Variants in SACS observed in about 807,000 individuals in gnomAD.
The protein encoded by SACS is sacsin molecular chaperone.
A neutral mutation model predicts 348.0 loss-of-function variants in SACS; 197 were observed. The ratio of observed to expected loss-of-function variants is 0.57; its 90% CI spans 0.50 to 0.64. The LOEUF (loss-of-function observed/expected upper bound fraction) is 0.64, where lower values mean the gene tolerates loss of function less well. SACS is among the 30% of genes least tolerant of loss of function. The pLI is 0.00. For synonymous variants in SACS, 1,985 were observed against 1,910.6 expected, an observed-to-expected ratio of 1.04 and a Z score of -1.02; for missense variants, 4,999 against 5,360.8, an observed-to-expected ratio of 0.93 and a Z score of 2.11.
chr13:23,373,177 G>A (rs559982231), intron 3 of SACS, among the ~76,000 whole-genome samples: 3 of 152,276 alleles, frequency 2.0e-5, no homozygotes, highest in East Asian at 3.9e-4. Context: ...ATAGACCCAG[G>A]AGAGGAAGGT....
At chr13:23,371,992 A>C (rs1871416322) in intron 3 of SACS, among the ~76,000 whole-genome samples, 1 of 152,198 alleles carries the variant, frequency 6.6e-6, no homozygotes, top group South Asian at 2.1e-4. Flanking sequence ...ATCTGTCTCT[A>C]TTTGAAAAAA....
chr13:23,342,327 T>C (rs1005614036), intron 9 of SACS, among the ~76,000 whole-genome samples: 2 of 152,284 alleles, frequency 1.3e-5, no homozygotes, highest in East Asian at 1.9e-4. Context: ...TGGAAAACAA[T>C]GTTTAGCGCT....
chr13:23,425,956 T>C (rs1874155079), intron 1 of SACS, among the ~76,000 whole-genome samples: 1 of 152,128 alleles, frequency 6.6e-6, no homozygotes. Flanking sequence ...AGGGGCATGG[T>C]ATTTTAGATT....
chr13:23,363,147 G>T (rs539091099), intron 6 of SACS, among the ~76,000 whole-genome samples: 4 of 152,036 alleles, frequency 2.6e-5, no homozygotes, highest in African/African-American at 7.2e-5. Context: ...GACCTCAGGT[G>T]ATCTGTCCAC....
At chr13:23,364,605 A>G (rs1870950567) in intron 6 of SACS, among the ~76,000 whole-genome samples, 1 of 152,206 alleles carries the variant, frequency 6.6e-6, no homozygotes, top group Non-Finnish European at 1.5e-5. Flanking sequence ...ATTTATGAAC[A>G]TTCTTTTTGA....
At chr13:23,428,895 T>C (rs1373734105) in intron 1 of SACS, 1 of 152,174 alleles carries the variant, frequency 6.6e-6, no homozygotes, top group Non-Finnish European at 1.5e-5. Context: ...TTACAGATAA[T>C]AAAACTACAC....
rs142697365 is a variant in SACS at position 23,336,262 on chromosome 13, T to G, written c.7614A>C (p.Ala2538=). Residue 2538 remains alanine (A), a synonymous_variant, in exon 10 of 10, where the codon GCA becomes GCC. Transcript: ENST00000382292. The part of the protein sequence containing the change: ...LTSRIKSILN[A]YPSEKEMLKE... ...TCAACATTTCCTTTTCAGAAGGATA[T>G]GCATTAAGGATGCTCTTAATTCTGC... is the stretch of plus-strand genomic sequence containing the variant. The G allele has an allele frequency of 9.4e-5, 151 of 1,613,972 alleles. No individual in the cohort carries two copies. The highest frequency in any genetic ancestry group is 1.2e-4 in the Non-Finnish European group (147 of 1,179,954).
chr13:23,340,853 T>C lies in SACS; in HGVS notation c.3023A>G (p.Glu1008Gly). ...GACCCATAACATAAGCTGTGTTACC[T>C]CTTCATGTGAATAAAATGCATTTTC... Reference protein sequence around the residue: ...DIENAFYSHEEVTQLMLWVLE... With the variant: ...DIENAFYSHEGVTQLMLWVLE... Residue 1008 changes from glutamate (E) to glycine (G), a missense_variant, in exon 10 of 10, where the codon GAG (glutamate) becomes GGG (glycine). By Grantham distance (98) the Glu-to-Gly change is moderately conservative (BLOSUM62 -2). This residue lies in a region of SACS where 3,156 missense variants were observed against 3,380.1 expected (regional missense o/e 0.93). Transcript: ENST00000382292. 6.2e-7 allele frequency: 1 copy of C among 1,607,534 alleles called. No individual in the cohort carries two copies. The highest frequency in any genetic ancestry group is 8.5e-7 in the Non-Finnish European group (1 of 1,175,416).
chr13:23,383,973 G>A (rs558364835), intron 2 of SACS, among the ~76,000 whole-genome samples: 2 of 152,302 alleles, frequency 1.3e-5, no homozygotes, highest in Admixed American at 1.3e-4. Context: ...AAGGGTCATC[G>A]CAAGGTCTTT....
At chr13:23,415,396 C>T (rs759722003) in intron 1 of SACS, among the ~76,000 whole-genome samples, 4 of 152,166 alleles carry the variant, frequency 2.6e-5, no homozygotes, top group Non-Finnish European at 5.9e-5. Flanking sequence ...GAATTCCAAA[C>T]ACTATTGTTC....
chr13:23,375,779 G>T (rs1221051770), intron 2 of SACS, among the ~76,000 whole-genome samples: 1 of 152,058 alleles, frequency 6.6e-6, no homozygotes, highest in African/African-American at 2.4e-5. Flanking sequence ...CGCCTGCCAG[G>T]CCCCGCCCCG....
chr13:23,363,952 A>T (rs954414241), intron 6 of SACS, among the ~76,000 whole-genome samples: 1 of 152,170 alleles, frequency 6.6e-6, no homozygotes, highest in Non-Finnish European at 1.5e-5. Flanking sequence ...CTTAGAGACA[A>T]GATACCTTGC....
At chr13:23,351,367 A>G (rs563678353) in intron 9 of SACS, among the ~76,000 whole-genome samples, 2 of 152,304 alleles carry the variant, frequency 1.3e-5, no homozygotes, top group Admixed American at 1.3e-4. Flanking sequence ...TGTAACTCCC[A>G]TAATTCCCAT....
chr13:23,336,664 C>G lies in SACS; in HGVS notation c.7212G>C (p.Leu2404Phe). 1 of 1,613,690 alleles carries G rather than the reference C, an allele frequency of 6.2e-7. No homozygotes were observed. Among genetic ancestry groups the G allele is most frequent in the Middle Eastern group, 1.6e-4 (1 of 6,062 alleles). Residue 2404 changes from leucine to phenylalanine, a missense_variant, in exon 10 of 10, where the codon TTG (leucine) becomes TTC (phenylalanine). Physicochemically the swap from Leu to Phe is conservative, Grantham distance 22. Coordinates refer to ENST00000382292, the MANE Select transcript of SACS (RefSeq NM_014363.6). ...SCTVEDFALV[L>F]ESIDQERGTK... Reference sequence around the variant, plus strand: ...TTCCTCTTTCTTGATCAATAGATTCCAAAACAAGAGCAAAATCTTCAACAG... The same window carrying G: ...TTCCTCTTTCTTGATCAATAGATTCGAAAACAAGAGCAAAATCTTCAACAG...
At chr13:23,344,013 G>T (rs1247140900) in intron 9 of SACS, among the ~76,000 whole-genome samples, 2 of 152,164 alleles carry the variant, frequency 1.3e-5, no homozygotes. Context: ...CAATATTTAA[G>T]AAATTACAAA....
chr13:23,392,076 G>C (rs1872546879), intron 2 of SACS, among the ~76,000 whole-genome samples: 1 of 152,178 alleles, frequency 6.6e-6, no homozygotes. Context: ...GCTGGGAGCT[G>C]AGGGAAACCA....
At position 23,341,040 on chromosome 13, in the gene SACS, C is replaced by A. The variant is rs779797422; in HGVS notation, c.2836G>T (p.Gly946Cys). Residue 946 changes from glycine to cysteine, a missense_variant, in exon 10 of 10, where the codon GGT (glycine) becomes TGT (cysteine). Physicochemically the swap from Gly to Cys is radical, Grantham distance 159. This residue lies in a region of SACS where 3,156 missense variants were observed against 3,380.1 expected (regional missense o/e 0.93). Transcript: ENST00000382292. ...QGISSYTKLK[G>C]CKVLHHTAKL... ...GCAGTATGGTGTAAGACTTTACAAC[C>A]TTTCAATTTTGTATAAGAGGAAATT... is the stretch of plus-strand genomic sequence containing the variant. 6.2e-7 allele frequency: 1 copy of A among 1,614,052 alleles called. No homozygotes were observed. Among genetic ancestry groups the A allele is most frequent in the Admixed American group, 1.7e-5 (1 of 60,022 alleles).
chr13:23,399,942 CA>C (rs1872888143), intron 2 of SACS, among the ~76,000 whole-genome samples: 3 of 152,136 alleles, frequency 2.0e-5, no homozygotes. Flanking sequence ...ACCCTAAAAC[CA>C]ATATATACTC....
chr13:23,334,258 T>C lies in SACS; in HGVS notation c.9618A>G (p.Ala3206=), dbSNP rs1377041786. Residue 3206 remains alanine (A), a synonymous_variant, in exon 10 of 10, where the codon GCA becomes GCG. Transcript: ENST00000382292. ...CAAAGCTGGAAATGTCAAACACTTT[T>C]GCAACTTTACAGTTCAATAAAATAT... ...YSNILLNCKV[A]KVFDISSFAD... The C allele has an allele frequency of 1.2e-6, 2 of 1,612,432 alleles. No individual in the cohort carries two copies. Among genetic ancestry groups the C allele is most frequent in the East Asian group, 2.2e-5 (1 of 44,786 alleles).
Sources: gnomAD v4.1 joint callset for allele counts (sites outside exome capture counted in the v4.1 genomes callset) on GRCh38, gnomAD v4.1.1 for gene constraint, gnomAD v4.1.1 regional missense constraint, MANE v1.5 for transcripts, NCBI Gene and HGNC (gene_info 2026-07-23, HGNC 2026-07-21) for gene names.